The following DAAM2 variants were observed in gnomAD, a reference collection of about 807,000 sequenced individuals.
The protein encoded by DAAM2 is disheveled-associated activator of morphogenesis 2.
In DAAM2, 39 loss-of-function variants were observed where a neutral mutation model predicts 120.7. The ratio of observed to expected loss-of-function variants is 0.32; its 90% confidence interval spans 0.25 to 0.42. The LOEUF is 0.42. DAAM2 is among the 10% of genes least tolerant of loss of function. The pLI is 1.00. For synonymous variants in DAAM2, 488 were observed against 524.9 expected (o/e 0.93, Z 0.96); for missense variants, 1,283 against 1,401.7 (o/e 0.92, Z 1.35).
intron 1 of DAAM2, among the ~76,000 whole-genome samples, chr6:39,808,942 G>A (rs534373200): frequency 3.9e-5 from 6 of 152,230 alleles, no homozygotes; most frequent in African/African-American, 1.2e-4. Context: ...TCATGGGAGC[G>A]TGGTTTCTCT....
intron 1 of DAAM2, 139 bp from the exon 2 acceptor site, chr6:39,856,108 A>AG (rs1448982506): frequency 5.6e-6 from 3 of 531,984 alleles, no homozygotes; most frequent in African/African-American, 4.9e-5. Context: ...GAGGGGCGAC[A>AG]GCGGGGTGGG....
Position 39,900,107 on chromosome 6 carries a change from G to A in DAAM2, c.2710G>A (p.Glu904Lys), listed in dbSNP as rs1490406489. ...ELEYQRRQVR[E>K]PSDKFVPVMS... ...GGAGTATCAGAGGCGCCAGGTACGG[G>A]AGCCCAGTGACAAGTTTGTCCCTGT... The change falls in exon 23 of 25, where the codon GAG becomes AAG. Residue 904 changes from glutamate to lysine, a missense_variant. By Grantham distance (56) the Glu-to-Lys change is moderately conservative. Coordinates refer to ENST00000274867, the MANE Select transcript of DAAM2 (RefSeq NM_001201427.2). 1.9e-6 allele frequency: 3 copies of A among 1,600,366 alleles called. No homozygotes were observed. Among genetic ancestry groups the A allele is most frequent in the Non-Finnish European group, 1.7e-6 (2 of 1,173,636 alleles).
chr6:39,851,017 A>G (rs971818967), intron 1 of DAAM2, among the ~76,000 whole-genome samples: 2 of 152,210 alleles, frequency 1.3e-5, no homozygotes, highest in African/African-American at 4.8e-5. Context: ...AGAGCAAGCC[A>G]TGTAACAGCT....
At chr6:39,864,582 C>T in intron 4 of DAAM2, 75 bp downstream of exon 4, 3 of 1,221,044 alleles carry the variant, frequency 2.5e-6, no homozygotes, top group Non-Finnish European at 3.5e-6. Context: ...CCAGCCCCCA[C>T]CCCCCACACA....
chr6:39,802,372 A>T lies in DAAM2; in HGVS notation c.-57+9907A>T, dbSNP rs550433493. On this transcript the variant is annotated intron_variant, in intron 1 of 24. Coordinates refer to ENST00000274867, the MANE Select transcript of DAAM2 (RefSeq NM_001201427.2). Reference sequence around the variant, plus strand: ...TGTGTGACCTTGCACAAGTTACTTTATCTCTCTGTGCCTTAGTTTCCTCAT... The same window carrying T: ...TGTGTGACCTTGCACAAGTTACTTTTTCTCTCTGTGCCTTAGTTTCCTCAT... Among the ~76,000 whole-genome samples, 134 of 152,326 alleles carry T rather than the reference A, an allele frequency of 8.8e-4. 3 individuals carry two copies. Among genetic ancestry groups the T allele is most frequent in the Non-Finnish European group, 1.9e-4 (13 of 68,026 alleles).
At chr6:39,860,235 C>T (rs1026910358) in intron 2 of DAAM2, among the ~76,000 whole-genome samples, 1 of 152,224 alleles carries the variant, frequency 6.6e-6, no homozygotes, top group Non-Finnish European at 1.5e-5. Context: ...TTTGGACTAG[C>T]CTGATGGAGC....
intron 1 of DAAM2, among the ~76,000 whole-genome samples, chr6:39,818,182 TAAAA>T (rs752326154): frequency 5.8e-5 from 5 of 85,852 alleles, no homozygotes; most frequent in South Asian, 4.3e-4. Context: ...GCATCTCAAT[TAAAA>T]AAAAAAAAAA....
chr6:39,872,784 C>T (rs1186857837), intron 9 of DAAM2, among the ~76,000 whole-genome samples: 1 of 151,952 alleles, frequency 6.6e-6, no homozygotes, highest in Admixed American at 6.6e-5. Context: ...TGGACCTGCG[C>T]CACATTCCAC....
intron 22 of DAAM2, 104 bp downstream of exon 22, chr6:39,899,041 A>AATGG: frequency 4.5e-6 from 4 of 898,674 alleles, no homozygotes; most frequent in Non-Finnish European, 7.1e-6. Flanking sequence ...CAATGGGTAC[A>AATGG]GCCTCTAGCA....
chr6:39,812,550 AT>A (rs1388804494), intron 1 of DAAM2, among the ~76,000 whole-genome samples: 1 of 152,070 alleles, frequency 6.6e-6, no homozygotes, highest in Non-Finnish European at 1.5e-5. Flanking sequence ...CTGCTTTGTT[AT>A]AACTCTCTAG....
intron 22 of DAAM2, 67 bp downstream of exon 22, chr6:39,899,004 C>T (rs1262635525): frequency 1.5e-6 from 2 of 1,339,478 alleles, no homozygotes; most frequent in East Asian, 4.9e-5. Context: ...GTCACTGCAC[C>T]CTAAGCTCCT....
chr6:39,893,599 G>A (rs1356778007), intron 19 of DAAM2, among the ~76,000 whole-genome samples: 1 of 152,172 alleles, frequency 6.6e-6, no homozygotes, highest in South Asian at 2.1e-4. Context: ...CGAGTAAGAT[G>A]TGTTTGGGAT....
At chr6:39,879,635 C>A (rs1293986187) in intron 14 of DAAM2, 158 bp downstream of exon 14, 2 of 931,286 alleles carry the variant, frequency 2.1e-6, no homozygotes, top group Non-Finnish European at 1.7e-6. Context: ...GTTTGCTGTG[C>A]CAGGCAGCTC....
intron 1 of DAAM2, among the ~76,000 whole-genome samples, chr6:39,806,723 A>G (rs1172148815): frequency 2.0e-5 from 3 of 152,176 alleles, no homozygotes; most frequent in African/African-American, 4.8e-5. Flanking sequence ...TAATGCTAAC[A>G]TTAAAATGAT....
At chr6:39,852,874 AG>A (rs1763867344) in intron 1 of DAAM2, among the ~76,000 whole-genome samples, 1 of 152,210 alleles carries the variant, frequency 6.6e-6, no homozygotes. Context: ...GTGAGGAATT[AG>A]GGTTCAGATG....
At chr6:39,826,086 G>A (rs902039532) in intron 1 of DAAM2, among the ~76,000 whole-genome samples, 4 of 152,150 alleles carry the variant, frequency 2.6e-5, no homozygotes, top group Non-Finnish European at 5.9e-5. Flanking sequence ...ATGTGTCTTG[G>A]TCCAGCTTCT....
At chr6:39,841,543 C>T (rs1389542493) in intron 1 of DAAM2, among the ~76,000 whole-genome samples, 1 of 151,994 alleles carries the variant, frequency 6.6e-6, no homozygotes, top group Non-Finnish European at 1.5e-5. Context: ...GATCAGATTT[C>T]ACATCGTTCA....
chr6:39,800,636 C>T (rs1761833915), intron 1 of DAAM2, among the ~76,000 whole-genome samples: 1 of 152,122 alleles, frequency 6.6e-6, no homozygotes, highest in Non-Finnish European at 1.5e-5. Flanking sequence ...TTGGAGCAGC[C>T]CCGGCTAAAG....
Position 39,878,029 on chromosome 6 carries a change from C to T in DAAM2, c.1302-174C>T, listed in dbSNP as rs527410493. On this transcript the variant is annotated intron_variant, in intron 11 of 24. Transcript: ENST00000274867. This position sits in a 1 kb window ranked among gnomAD's most constrained non-coding sequence, Gnocchi z 5.0. ...GGTCTCCACAGACACATAATGTGAA[C>T]GGGGCAGGGGACCTGGAGAGACACC... Among the ~76,000 whole-genome samples the T allele has an allele frequency of 1.4e-4, 22 of 152,162 alleles. No homozygotes were observed. Among genetic ancestry groups the T allele is most frequent in the Admixed American group, 5.2e-4 (8 of 15,272 alleles).
Sources: gnomAD v4.1 joint callset for allele counts (sites outside exome capture counted in the v4.1 genomes callset) on GRCh38, gnomAD v4.1.1 for gene constraint, Gnocchi (gnomAD v3.1) non-coding constraint, MANE v1.5 for transcripts, NCBI Gene and HGNC (gene_info 2026-07-23, HGNC 2026-07-21) for gene names.